Variants in COX10 observed in about 807,000 individuals in gnomAD.
COX10 encodes cytochrome c oxidase assembly factor heme A:farnesyltransferase COX10.
In COX10, 27 loss-of-function variants were observed where a neutral mutation model predicts 37.3. That is an observed-to-expected ratio of 0.72 (90% CI 0.53 to 1.00). COX10 has a LOEUF of 1.00. Ranked by LOEUF, COX10 falls within the 50% of genes least tolerant of loss-of-function variation. COX10 has a pLI of 0.00. For missense variants in COX10, 475 were observed against 563.2 expected (o/e 0.84, Z 1.59); for synonymous variants, 222 against 229.1 (o/e 0.97, Z 0.28).
intron 4 of COX10, among the ~76,000 whole-genome samples, chr17:14,114,072 A>C (rs1916061898): frequency 6.6e-6 from 1 of 152,120 alleles, no homozygotes; most frequent in African/African-American, 2.4e-5. Context: ...CCAGATCCTA[A>C]AGTTAATTTA....
chr17:14,203,093 C>G (rs1906593823), intron 6 of COX10, among the ~76,000 whole-genome samples: 1 of 152,142 alleles, frequency 6.6e-6, no homozygotes, highest in Non-Finnish European at 1.5e-5. Context: ...TTGCCACTGC[C>G]TTTCTAGCAC....
chr17:14,133,038 T>TA (rs1367447336), intron 4 of COX10, among the ~76,000 whole-genome samples: 4 of 151,714 alleles, frequency 2.6e-5, no homozygotes, highest in African/African-American at 7.2e-5. Flanking sequence ...TGGTAACACT[T>TA]ACAGCTTGTT....
chr17:14,120,639 A>C (rs1480040101), intron 4 of COX10, among the ~76,000 whole-genome samples: 1 of 152,154 alleles, frequency 6.6e-6, no homozygotes, highest in East Asian at 1.9e-4. Flanking sequence ...AGTGAGACAG[A>C]ATTCCAGCAG....
intron 5 of COX10, among the ~76,000 whole-genome samples, chr17:14,174,456 C>CAAAAAA (rs61593222): frequency 1.5e-5 from 1 of 66,172 alleles, no homozygotes; most frequent in Non-Finnish European, 3.2e-5. Flanking sequence ...AAGACCCTGT[C>CAAAAAA]AAAAAAAAAA....
rs1905138236 is a variant in COX10 at position 14,159,948 on chromosome 17, G to A, written c.695+1G>A. 2 of 1,610,536 alleles carry A rather than the reference G, an allele frequency of 1.2e-6. No individual in the cohort carries two copies. Among genetic ancestry groups the A allele is most frequent in the Middle Eastern group, 1.9e-4 (1 of 5,352 alleles). On this transcript the variant is annotated splice_donor_variant, in intron 5 of 6. Coordinates refer to ENST00000261643, the MANE Select transcript of COX10 (RefSeq NM_001303.4). LOFTEE classifies it high-confidence loss of function. ...GACCGCTGGTTCGTGGACAGATCAGGTAAAATCACGAATACAAGTGTCTTC... is the reference window on the plus strand; with the variant it reads ...GACCGCTGGTTCGTGGACAGATCAGATAAAATCACGAATACAAGTGTCTTC...
chr17:14,081,476 G>A (rs76614300), intron 3 of COX10, among the ~76,000 whole-genome samples: 1,848 of 152,318 alleles, frequency 0.012, 33 homozygotes, highest in African/African-American at 0.042. Flanking sequence ...ATACCTTGAG[G>A]TGAAGCAGGT....
intron 3 of COX10, among the ~76,000 whole-genome samples, chr17:14,099,249 C>G (rs1184059725): frequency 6.6e-6 from 1 of 152,056 alleles, no homozygotes; most frequent in Non-Finnish European, 1.5e-5. Flanking sequence ...GACCCCTTGC[C>G]AAAATACTTG....
At chr17:14,123,438 T>G (rs1916268847) in intron 4 of COX10, among the ~76,000 whole-genome samples, 1 of 152,196 alleles carries the variant, frequency 6.6e-6, no homozygotes, top group Non-Finnish European at 1.5e-5. Flanking sequence ...ACAGGCAATA[T>G]TATTGATGTG....
At chr17:14,130,247 A>G (rs1448539539) in intron 4 of COX10, among the ~76,000 whole-genome samples, 8 of 152,134 alleles carry the variant, frequency 5.3e-5, no homozygotes, top group Non-Finnish European at 8.8e-5. Context: ...ATTTTTTACA[A>G]CTAAAGGCAC....
rs570308187 is a variant in COX10, at chr17:14,095,354, C to T, written c.500-6764C>T. ...GCCCTTTGTCACCACCTTCAAAATA[C>T]TTACAGCGAACTCTGTTTGCACTGT... On this transcript the variant is annotated intron_variant, in intron 3 of 6. Transcript: ENST00000261643. Among the ~76,000 whole-genome samples the T allele has an allele frequency of 3.0e-4, 45 of 152,254 alleles. 1 individual carries two copies. In the South Asian group the frequency reaches 9.3e-3, roughly 32 times the overall value.
chr17:14,131,131 T>C (rs570058755), intron 4 of COX10, among the ~76,000 whole-genome samples: 1 of 152,276 alleles, frequency 6.6e-6, no homozygotes, highest in South Asian at 2.1e-4. Flanking sequence ...GACCAGCTCA[T>C]TGATTTGTAG....
In COX10 at chr17:14,174,625, T is replaced by C. The variant is rs545101185; in HGVS notation, c.695+14678T>C. ...CACACCTATTAGCATAACTAACATT[T>C]ATTAAAAACAACAATACAGTGCTGA... On this transcript the variant is annotated intron_variant, in intron 5 of 6. Transcript: ENST00000261643. 2.0e-5 allele frequency among the ~76,000 whole-genome samples: 3 copies of C among 152,218 alleles called. No individual in the cohort carries two copies. In the East Asian group the frequency reaches 5.8e-4, roughly 29 times the overall value.
Position 14,122,821 on chromosome 17 carries a change from G to A in COX10, c.624+20579G>A, listed in dbSNP as rs571626812. ...CATTAAATTAATCTTTTATAATTAT[G>A]CATTAGCCAGAAACTAACTAAATCC... On this transcript the variant is annotated intron_variant, in intron 4 of 6. Coordinates refer to ENST00000261643, the MANE Select transcript of COX10 (RefSeq NM_001303.4). Among the ~76,000 whole-genome samples the A allele has an allele frequency of 6.2e-4, 94 of 152,282 alleles. 1 individual carries two copies. The highest frequency in any genetic ancestry group is 8.8e-4 in the Non-Finnish European group (60 of 68,026).
chr17:14,154,746 A>G (rs1279069588), intron 4 of COX10, among the ~76,000 whole-genome samples: 1 of 152,182 alleles, frequency 6.6e-6, no homozygotes, highest in Non-Finnish European at 1.5e-5. Context: ...CCTCATAGTA[A>G]CTTCAATTGT....
intron 4 of COX10, among the ~76,000 whole-genome samples, chr17:14,117,660 G>A (rs888647156): frequency 1.3e-5 from 2 of 151,856 alleles, no homozygotes; most frequent in African/African-American, 4.8e-5. Flanking sequence ...GCATTTTTGG[G>A]CTCTGACCCA....
At chr17:14,202,516 T>A (rs1346455397) in intron 6 of COX10, among the ~76,000 whole-genome samples, 1 of 152,108 alleles carries the variant, frequency 6.6e-6, no homozygotes, top group East Asian at 1.9e-4. Flanking sequence ...ATCTATAAGA[T>A]GATGATGATG....
intron 5 of COX10, among the ~76,000 whole-genome samples, chr17:14,189,559 T>C (rs945871914): frequency 6.6e-5 from 10 of 152,254 alleles, no homozygotes; most frequent in African/African-American, 2.4e-4. Context: ...CATGTTGCTT[T>C]GATAAGGGCT....
At chr17:14,191,850 C>G in intron 5 of COX10, 139 bp from the exon 6 acceptor site, 4 of 836,672 alleles carry the variant, frequency 4.8e-6, no homozygotes, top group Non-Finnish European at 7.9e-6. Flanking sequence ...AAGAGGATTC[C>G]CCATATCCAG....
chr17:14,138,704 T>C (rs1904452900), intron 4 of COX10, among the ~76,000 whole-genome samples: 1 of 152,186 alleles, frequency 6.6e-6, no homozygotes, highest in African/African-American at 2.4e-5. Context: ...CAGTTATAAT[T>C]TGCATTTCTA....
Sources: gnomAD v4.1 joint callset for allele counts (sites outside exome capture counted in the v4.1 genomes callset) on GRCh38, gnomAD v4.1.1 for gene constraint, MANE v1.5 for transcripts, NCBI Gene and HGNC (gene_info 2026-07-23, HGNC 2026-07-21) for gene names.